DOCK1: variants seen among roughly 807,000 people sequenced by gnomAD.
DOCK1 encodes dedicator of cytokinesis protein 1.
Under a neutral mutation model 262.7 loss-of-function variants are expected in DOCK1, and 138 were observed. That is an observed-to-expected ratio of 0.53 (90% confidence interval 0.46 to 0.61). The LOEUF is 0.61. DOCK1 is among the 20% of genes least tolerant of loss of function. The probability of loss-of-function intolerance (pLI) is 0.00; values close to 1 mark genes in which losing one functional copy is unlikely to be tolerated. For missense variants in DOCK1, 1,908 were observed against 2,370.7 expected (o/e 0.80, Z 4.05); for synonymous variants, 866 against 867.4 (o/e 1.00, Z 0.03).
intron 25 of DOCK1, among the ~76,000 whole-genome samples, chr10:127,121,586 C>T (rs561535431): frequency 2.0e-5 from 3 of 151,946 alleles, no homozygotes; most frequent in East Asian, 3.9e-4. Context: ...TTACTTAAAA[C>T]GTGTACTCCC....
intron 23 of DOCK1, among the ~76,000 whole-genome samples, chr10:127,072,738 T>C (rs1000214781): frequency 2.0e-5 from 3 of 152,156 alleles, no homozygotes; most frequent in Non-Finnish European, 2.9e-5. Context: ...ACCAAAGACT[T>C]TGATGCGTGT....
intron 1 of DOCK1, among the ~76,000 whole-genome samples, chr10:126,960,883 AGAAAT>A (rs2037163333): frequency 6.6e-6 from 1 of 151,436 alleles, no homozygotes; most frequent in Non-Finnish European, 1.5e-5. Context: ...AAAAAAAAAA[AGAAAT>A]AAGATAGTTG....
chr10:127,318,996 G>C (rs1254499334), intron 29 of DOCK1, among the ~76,000 whole-genome samples: 1 of 152,192 alleles, frequency 6.6e-6, no homozygotes, highest in African/African-American at 2.4e-5. Context: ...TTGCCAAAGG[G>C]TCCCCTCTGT....
intron 10 of DOCK1, chr10:127,001,088 C>G (rs532778889): frequency 6.6e-6 from 1 of 152,218 alleles, no homozygotes; most frequent in East Asian, 1.9e-4. Context: ...AAGTGGTTTT[C>G]TCTCTTTTAT....
intron 27 of DOCK1, 129 bp from the exon 28 acceptor site, chr10:127,247,879 C>A: frequency 2.5e-6 from 2 of 813,422 alleles, no homozygotes; most frequent in Non-Finnish European, 4.0e-6. Context: ...GCAGCAGAAC[C>A]CAGGGCTCCC....
intron 27 of DOCK1, among the ~76,000 whole-genome samples, chr10:127,214,139 A>G (rs965601153): frequency 3.9e-5 from 6 of 152,252 alleles, no homozygotes; most frequent in South Asian, 2.1e-4. Context: ...GAGCCACTGC[A>G]CCCGACCTTT....
intron 29 of DOCK1, among the ~76,000 whole-genome samples, chr10:127,329,049 C>A (rs2062863646): frequency 6.6e-6 from 1 of 152,030 alleles, no homozygotes; most frequent in Admixed American, 6.6e-5. Flanking sequence ...ATAATTACAT[C>A]CACAGTGTTG....
intron 21 of DOCK1, among the ~76,000 whole-genome samples, chr10:127,050,646 A>T (rs190511538): frequency 2.0e-5 from 3 of 151,620 alleles, no homozygotes; most frequent in African/African-American, 7.3e-5. Context: ...TGGAGGTTTC[A>T]GTGAGCTGAG....
intron 27 of DOCK1, chr10:127,154,034 T>C: frequency 1.3e-6 from 1 of 749,852 alleles, no homozygotes; most frequent in South Asian, 1.6e-5. Context: ...ATCATGGTCA[T>C]GGAAATTGAT....
At chr10:127,161,282 G>C (rs2053571787) in intron 27 of DOCK1, among the ~76,000 whole-genome samples, 1 of 152,210 alleles carries the variant, frequency 6.6e-6, no homozygotes, top group Admixed American at 6.5e-5. Flanking sequence ...ATTTATGGTT[G>C]CTAAAAGAAT....
intron 19 of DOCK1, among the ~76,000 whole-genome samples, chr10:127,038,654 T>A (rs1211148159): frequency 6.6e-6 from 1 of 152,228 alleles, no homozygotes; most frequent in Non-Finnish European, 1.5e-5. Flanking sequence ...CGGGACGCTC[T>A]GCAGCAGTGT....
chr10:127,027,785 G>A (rs1018647873), intron 16 of DOCK1, among the ~76,000 whole-genome samples: 1 of 152,114 alleles, frequency 6.6e-6, no homozygotes, highest in Non-Finnish European at 1.5e-5. Context: ...CCTCCATGTG[G>A]GGTGGGTGTG....
In DOCK1 at chr10:127,381,168, A is replaced by C. The variant is rs1234682800; in HGVS notation, c.3717-110A>C. The C allele has an allele frequency of 3.5e-6, 3 of 849,074 alleles. No individual in the cohort carries two copies. In the African/African-American group the frequency reaches 5.2e-5, roughly 15 times the overall value. 52.6% of individuals were successfully genotyped at this position (849,074 alleles called of 1,614,324 possible). On this transcript the variant is annotated intron_variant, in intron 36 of 51. Coordinates refer to ENST00000623213, the MANE Select transcript of DOCK1 (RefSeq NM_001290223.2). The stretch of plus-strand genomic sequence containing the variant: ...CATTTTGAATTATGAACATTGTAAA[A>C]AGGAAGTGTAGCCATGATTTACTGT...
At chr10:127,052,935 C>A (rs2044842571) in intron 22 of DOCK1, 120 bp downstream of exon 22, 1 of 1,447,516 alleles carries the variant, frequency 6.9e-7, no homozygotes, top group Admixed American at 2.3e-5. Context: ...CTTTTTCCCC[C>A]TTGCTTTCTA....
intron 23 of DOCK1, among the ~76,000 whole-genome samples, chr10:127,067,745 T>A (rs2045961908): frequency 1.3e-5 from 2 of 152,096 alleles, no homozygotes; most frequent in Non-Finnish European, 2.9e-5. Flanking sequence ...GGAAAAACAC[T>A]CCTCTTTATT....
At chr10:127,390,038 G>C (rs1344851417) in intron 38 of DOCK1, among the ~76,000 whole-genome samples, 2 of 150,324 alleles carry the variant, frequency 1.3e-5, no homozygotes, top group South Asian at 4.2e-4. Context: ...GGGGCTGTGA[G>C]ACCTCCCTGC....
intron 31 of DOCK1, among the ~76,000 whole-genome samples, chr10:127,346,221 C>T (rs1218894730): frequency 6.6e-6 from 1 of 152,212 alleles, no homozygotes; most frequent in Non-Finnish European, 1.5e-5. Flanking sequence ...GGCCGAGCAC[C>T]CCGCAAGCCC....
At chr10:127,057,644 T>G (rs1269442016) in intron 22 of DOCK1, among the ~76,000 whole-genome samples, 2 of 152,314 alleles carry the variant, frequency 1.3e-5, no homozygotes, top group African/African-American at 4.8e-5. Flanking sequence ...TTGTCTGTGT[T>G]TTCTGTGTGG....
At chr10:127,110,564 C>T (rs1050301510) in intron 25 of DOCK1, among the ~76,000 whole-genome samples, 1 of 152,120 alleles carries the variant, frequency 6.6e-6, no homozygotes, top group African/African-American at 2.4e-5. Context: ...AAGGCAAAAG[C>T]TCGTAGTTTG....
Sources: allele counts gnomAD v4.1 joint callset (sites outside exome capture counted in the v4.1 genomes callset), GRCh38; gene constraint gnomAD v4.1.1; transcripts MANE v1.5; gene names NCBI Gene and HGNC (gene_info 2026-07-23, HGNC 2026-07-21).